MPPED2: variants seen among roughly 807,000 people sequenced by gnomAD.
The protein encoded by MPPED2 is metallophosphoesterase MPPED2.
MPPED2 carries 5 observed loss-of-function variants against 33.0 expected under a neutral mutation model. The observed-to-expected ratio is 0.15, with a 90% CI of 0.08 to 0.32. MPPED2 has a LOEUF of 0.32. Among genes scored for constraint, MPPED2 ranks in the 10% least tolerant of loss-of-function variants. MPPED2 has a pLI of 1.00. For synonymous variants in MPPED2, 136 were observed against 141.9 expected, an observed-to-expected ratio of 0.96 and a Z score of 0.29; for missense variants, 275 against 372.1, an observed-to-expected ratio of 0.74 and a Z score of 2.15.
At chr11:30,465,716 T>C (rs1325143946) in intron 4 of MPPED2, among the ~76,000 whole-genome samples, 3 of 152,228 alleles carry the variant, frequency 2.0e-5, no homozygotes, top group Non-Finnish European at 4.4e-5. Flanking sequence ...GCAAAAACAG[T>C]ACAGTTGACC....
intron 4 of MPPED2, among the ~76,000 whole-genome samples, chr11:30,463,101 G>T (rs895820310): frequency 6.6e-6 from 1 of 152,186 alleles, no homozygotes; most frequent in Non-Finnish European, 1.5e-5. Flanking sequence ...GGTATAAGAA[G>T]TGAGAAATCT....
intron 6 of MPPED2, among the ~76,000 whole-genome samples, chr11:30,404,375 G>A (rs1947956338): frequency 6.6e-6 from 1 of 152,210 alleles, no homozygotes; most frequent in African/African-American, 2.4e-5. Context: ...AGACATTATG[G>A]TGCATTTCGT....
intron 4 of MPPED2, among the ~76,000 whole-genome samples, chr11:30,492,801 C>T (rs1952042513): frequency 6.6e-6 from 1 of 152,188 alleles, no homozygotes; most frequent in Non-Finnish European, 1.5e-5. Context: ...TCATGCTGTA[C>T]ACCCTGGAAT....
chr11:30,472,042 G>T (rs1288327705), intron 4 of MPPED2, among the ~76,000 whole-genome samples: 1 of 152,134 alleles, frequency 6.6e-6, no homozygotes, highest in Non-Finnish European at 1.5e-5. Context: ...CACAACATTT[G>T]GGTATATCTA....
At chr11:30,580,523 T>G in intron 1 of MPPED2, 29 bp from the exon 2 acceptor site, 1 of 1,408,812 alleles carries the variant, frequency 7.1e-7, no homozygotes, top group Non-Finnish European at 9.3e-7. Flanking sequence ...GTATATAAAA[T>G]GAGAACAAAG....
At chr11:30,486,232 T>C (rs190446345) in intron 4 of MPPED2, among the ~76,000 whole-genome samples, 5 of 152,270 alleles carry the variant, frequency 3.3e-5, no homozygotes, top group Admixed American at 3.3e-4. Context: ...TAAATACAGG[T>C]TAAGACTGTC....
At chr11:30,462,759 T>A (rs1464315396) in intron 4 of MPPED2, among the ~76,000 whole-genome samples, 1 of 152,210 alleles carries the variant, frequency 6.6e-6, no homozygotes. Flanking sequence ...TATTTTTAAT[T>A]GATGGAAAAT....
intron 2 of MPPED2, among the ~76,000 whole-genome samples, chr11:30,562,364 G>A (rs969858223): frequency 1.3e-5 from 2 of 152,142 alleles, no homozygotes; most frequent in African/African-American, 4.8e-5. Context: ...TGAAATGAAA[G>A]TAATGTGTGA....
chr11:30,532,102 TG>T (rs1320302276), intron 3 of MPPED2, among the ~76,000 whole-genome samples: 1 of 152,206 alleles, frequency 6.6e-6, no homozygotes, highest in Non-Finnish European at 1.5e-5. Flanking sequence ...TTGTGGGGGT[TG>T]TATGAAATGA....
chr11:30,564,822 C>T (rs1956374504), intron 2 of MPPED2, among the ~76,000 whole-genome samples: 1 of 152,128 alleles, frequency 6.6e-6, no homozygotes, highest in African/African-American at 2.4e-5. Context: ...GAAACAAATG[C>T]ACTCAATTCT....
chr11:30,422,189 T>C (rs1948644281), intron 4 of MPPED2, among the ~76,000 whole-genome samples: 1 of 152,150 alleles, frequency 6.6e-6, no homozygotes, highest in African/African-American at 2.4e-5. Flanking sequence ...GTAGAAATCT[T>C]ACGCAGAAAT....
chr11:30,511,882 C>T (rs928747154), intron 3 of MPPED2, among the ~76,000 whole-genome samples: 2 of 152,182 alleles, frequency 1.3e-5, no homozygotes, highest in Non-Finnish European at 2.9e-5. Flanking sequence ...AAATGCAATC[C>T]ATTAGCAAGA....
chr11:30,473,693 C>T (rs531117937), intron 4 of MPPED2, among the ~76,000 whole-genome samples: 1 of 152,248 alleles, frequency 6.6e-6, no homozygotes, highest in South Asian at 2.1e-4. Context: ...GATTAGATTA[C>T]CAAAAGACCC....
At chr11:30,497,953 T>A (rs1006906825) in intron 3 of MPPED2, among the ~76,000 whole-genome samples, 1 of 152,144 alleles carries the variant, frequency 6.6e-6, no homozygotes, top group Non-Finnish European at 1.5e-5. Flanking sequence ...GTCTGACATA[T>A]TTTCTTTTTT....
intron 2 of MPPED2, among the ~76,000 whole-genome samples, chr11:30,579,814 G>C (rs1003771495): frequency 1.5e-5 from 2 of 137,306 alleles, no homozygotes; most frequent in Non-Finnish European, 3.1e-5. Context: ...AAGGGCTAGT[G>C]GGGTGAGGTG....
intron 6 of MPPED2, among the ~76,000 whole-genome samples, chr11:30,413,170 G>A (rs1948188347): frequency 6.6e-6 from 1 of 152,206 alleles, no homozygotes; most frequent in Admixed American, 6.5e-5. Flanking sequence ...TTTTCAATAT[G>A]CTCTTTATTA....
chr11:30,449,889 T>C (rs1460707738), intron 4 of MPPED2, among the ~76,000 whole-genome samples: 1 of 152,194 alleles, frequency 6.6e-6, no homozygotes, highest in African/African-American at 2.4e-5. Flanking sequence ...AGTCATGTTC[T>C]CACAATTCAT....
chr11:30,567,023 G>A (rs531651087), intron 2 of MPPED2, among the ~76,000 whole-genome samples: 1 of 152,278 alleles, frequency 6.6e-6, no homozygotes, highest in Non-Finnish European at 1.5e-5. Context: ...TCAGCCTGTT[G>A]TTCTCTGGCA....
chr11:30,457,954 C>T (rs778713439), intron 4 of MPPED2, among the ~76,000 whole-genome samples: 2 of 152,134 alleles, frequency 1.3e-5, no homozygotes, highest in African/African-American at 4.8e-5. Context: ...CTGCTGCTGC[C>T]GTACCAAATA....
Sources: allele counts gnomAD v4.1 joint callset (sites outside exome capture counted in the v4.1 genomes callset), GRCh38; gene constraint gnomAD v4.1.1; transcripts MANE v1.5; gene names NCBI Gene and HGNC (gene_info 2026-07-23, HGNC 2026-07-21).